SMARCC1: variants seen among roughly 807,000 people sequenced by gnomAD.
The protein encoded by SMARCC1 is SWI/SNF complex subunit SMARCC1.
In SMARCC1, 43 loss-of-function variants were observed where a neutral mutation model predicts 147.4. The ratio of observed to expected loss-of-function variants is 0.29; its 90% CI spans 0.23 to 0.38. The LOEUF (loss-of-function observed/expected upper bound fraction) is 0.38, where lower values mean the gene tolerates loss of function less well. SMARCC1 is among the 10% of genes least tolerant of loss of function. SMARCC1 has a pLI of 1.00. For missense variants in SMARCC1, 1,119 were observed against 1,381.1 expected (o/e 0.81, Z 3.01); for synonymous variants, 495 against 484.4 (o/e 1.02, Z -0.29).
intron 1 of SMARCC1, among the ~76,000 whole-genome samples, chr3:47,774,893 T>A (rs1024778603): frequency 1.3e-5 from 2 of 151,590 alleles, no homozygotes; most frequent in Non-Finnish European, 2.9e-5. Flanking sequence ...GCAGCCTCAA[T>A]CTCCTGGGCT....
At chr3:47,631,028 G>A (rs983068251) in intron 24 of SMARCC1, among the ~76,000 whole-genome samples, 5 of 152,074 alleles carry the variant, frequency 3.3e-5, no homozygotes, top group African/African-American at 1.2e-4. Context: ...TCACATCACT[G>A]CATTCTAGCC....
intron 11 of SMARCC1, among the ~76,000 whole-genome samples, chr3:47,697,292 G>C (rs1044136119): frequency 2.0e-5 from 3 of 151,110 alleles, no homozygotes; most frequent in African/African-American, 4.9e-5. Context: ...GAAAGAGCGA[G>C]AGATCCTGAC....
At chr3:47,696,086 G>A (rs948807910) in intron 11 of SMARCC1, among the ~76,000 whole-genome samples, 1 of 145,686 alleles carries the variant, frequency 6.9e-6, no homozygotes, top group Non-Finnish European at 1.5e-5. Context: ...AAGGGGGGGG[G>A]GGGGCCAGGC....
At chr3:47,680,924 G>A (rs2033636841) in intron 14 of SMARCC1, among the ~76,000 whole-genome samples, 1 of 152,106 alleles carries the variant, frequency 6.6e-6, no homozygotes, top group African/African-American at 2.4e-5. Context: ...AGTACTGCTT[G>A]CCAAAATTAA....
rs1388056824 is a variant in SMARCC1 at position 47,686,076 on chromosome 3, C to T, written c.1358G>A (p.Ser453Asn). 1.2e-6 allele frequency: 2 copies of T among 1,612,996 alleles called. No homozygotes were observed. The highest frequency in any genetic ancestry group is 1.7e-6 in the Non-Finnish European group (2 of 1,179,110). Reference protein sequence around the residue: ...TEQTNHIIIPSYASWFDYNCI... With the variant: ...TEQTNHIIIPNYASWFDYNCI... Reference sequence around the variant, plus strand: ...GTTATAATCAAACCATGATGCATAACTAGGAATAATAATGTGATTGGTCTG... The same window carrying T: ...GTTATAATCAAACCATGATGCATAATTAGGAATAATAATGTGATTGGTCTG... Residue 453 changes from serine to asparagine, a missense_variant, in exon 14 of 28, where the codon AGT (serine) becomes AAT (asparagine). Ser to Asn is a conservative substitution (Grantham distance 46, BLOSUM62 1). This residue lies in a region of SMARCC1 where 542 missense variants were observed against 611.8 expected (regional missense o/e 0.89). Coordinates refer to ENST00000254480, the MANE Select transcript of SMARCC1 (RefSeq NM_003074.4).
chr3:47,680,701 C>G (rs1205220178), intron 14 of SMARCC1, among the ~76,000 whole-genome samples, 193 bp from the exon 15 acceptor site: 1 of 151,396 alleles, frequency 6.6e-6, no homozygotes, highest in African/African-American at 2.4e-5. Context: ...GCGCCCGCCA[C>G]TACGCCCGGC....
chr3:47,719,357 A>G (rs950241704), intron 7 of SMARCC1, among the ~76,000 whole-genome samples: 2 of 152,202 alleles, frequency 1.3e-5, no homozygotes, highest in Non-Finnish European at 2.9e-5. Context: ...AATTTTCAAC[A>G]TAAATTAATT....
chr3:47,665,427 G>A (rs192530157), intron 19 of SMARCC1, among the ~76,000 whole-genome samples: 171 of 152,220 alleles, frequency 1.1e-3, no homozygotes, highest in Non-Finnish European at 2.0e-3. Flanking sequence ...TATAAATAGG[G>A]ATTTTCTAGA....
chr3:47,765,614 C>T (rs2034829858), intron 2 of SMARCC1, among the ~76,000 whole-genome samples: 1 of 152,172 alleles, frequency 6.6e-6, no homozygotes, highest in Non-Finnish European at 1.5e-5. Flanking sequence ...ACAACACTTA[C>T]GGTCTCCTTC....
chr3:47,619,477 G>A (rs2032695612), intron 25 of SMARCC1, among the ~76,000 whole-genome samples: 1 of 152,206 alleles, frequency 6.6e-6, no homozygotes, highest in Admixed American at 6.5e-5. Flanking sequence ...TAAATGTGAA[G>A]GCCATGCCAC....
Position 47,729,118 on chromosome 3 carries a change from C to G in SMARCC1, c.577-24G>C, listed in dbSNP as rs75809087. ...CCCTGGAAAGCAAATGAACAAAAACCACAAAAATAAAGCACATGGCAATGA... is the reference window on the plus strand; with the variant it reads ...CCCTGGAAAGCAAATGAACAAAAACGACAAAAATAAAGCACATGGCAATGA... On this transcript the variant is annotated intron_variant, in intron 5 of 27. Transcript: ENST00000254480. 3,349 of 1,555,034 alleles carry G rather than the reference C, an allele frequency of 2.2e-3. 87 individuals carry two copies. The East Asian group carries it at 0.056, about 26-fold the overall frequency.
At position 47,622,259 on chromosome 3, in the gene SMARCC1, T is replaced by C; in HGVS notation, c.2729A>G (p.Lys910Arg). ...VETQMKKLEI[K>R]LRHFEELETI... ...TTCCAGCTCTTCAAAATGTCGAAGT[T>C]TGATCTCTAGTTTCTTCATTTGTGT... The change falls in exon 25 of 28, where the codon AAA (lysine) becomes AGA (arginine). Residue 910 changes from lysine (K) to arginine (R), a missense_variant. Physicochemically the swap from Lys to Arg is conservative, Grantham distance 26. Transcript: ENST00000254480. 1 of 1,604,986 alleles carries C rather than the reference T, an allele frequency of 6.2e-7. No homozygotes were observed. Among genetic ancestry groups the C allele is most frequent in the Non-Finnish European group, 8.5e-7 (1 of 1,177,900 alleles).
intron 2 of SMARCC1, among the ~76,000 whole-genome samples, chr3:47,753,918 A>G (rs1334196479): frequency 6.6e-6 from 1 of 152,102 alleles, no homozygotes; most frequent in Non-Finnish European, 1.5e-5. Context: ...TCATCCTCAC[A>G]CCTTGAAAAT....
chr3:47,760,090 G>A (rs946710623), intron 2 of SMARCC1, among the ~76,000 whole-genome samples: 1 of 152,186 alleles, frequency 6.6e-6, no homozygotes, highest in African/African-American at 2.4e-5. Context: ...GAGACGGGCA[G>A]ATCACTTGAG....
intron 21 of SMARCC1, among the ~76,000 whole-genome samples, chr3:47,655,990 A>G (rs574884301): frequency 6.6e-6 from 1 of 152,082 alleles, no homozygotes; most frequent in Non-Finnish European, 1.5e-5. Context: ...AGACGGGCGG[A>G]TCACAAGGTC....
intron 21 of SMARCC1, among the ~76,000 whole-genome samples, chr3:47,657,739 G>C (rs1190660310): frequency 6.6e-6 from 1 of 151,994 alleles, no homozygotes; most frequent in Non-Finnish European, 1.5e-5. Context: ...CTTGAACCTG[G>C]GAGGCAGAGG....
At chr3:47,688,718 T>C (rs2033759012) in intron 13 of SMARCC1, among the ~76,000 whole-genome samples, 2 of 152,166 alleles carry the variant, frequency 1.3e-5, no homozygotes, top group African/African-American at 2.4e-5. Flanking sequence ...ACTGCATCAA[T>C]AGAAATGGCA....
intron 23 of SMARCC1, among the ~76,000 whole-genome samples, chr3:47,635,637 C>T (rs1214018877): frequency 1.3e-5 from 2 of 152,170 alleles, no homozygotes; most frequent in Non-Finnish European, 2.9e-5. Flanking sequence ...CTAAGGCCAA[C>T]GTACTTGCTC....
At position 47,764,968 on chromosome 3, in the gene SMARCC1, G is replaced by A. The variant is rs2034818059; in HGVS notation, c.315+7849C>T. Among the ~76,000 whole-genome samples the A allele has an allele frequency of 4.6e-5, 7 of 152,022 alleles. No homozygotes were observed. In the Admixed American group the frequency reaches 4.6e-4, roughly 10 times the overall value. On this transcript the variant is annotated intron_variant, in intron 2 of 27. Transcript: ENST00000254480. ...AGTGATACCTATAAAGAAAAGCAAG[G>A]AGGCCAGGCGCGGTGGCTCACGCCT...
Sources: allele counts gnomAD v4.1 joint callset (sites outside exome capture counted in the v4.1 genomes callset), GRCh38; gene constraint gnomAD v4.1.1; regional missense constraint gnomAD v4.1.1; transcripts MANE v1.5; gene names NCBI Gene and HGNC (gene_info 2026-07-23, HGNC 2026-07-21).